ASMTL: variants seen among roughly 807,000 people sequenced by gnomAD.
The protein encoded by ASMTL is acetylserotonin O-methyltransferase like.
Under a neutral mutation model 60.3 loss-of-function variants are expected in ASMTL, and 57 were observed. That is an observed-to-expected ratio of 0.95 (90% confidence interval 0.76 to 1.18). The LOEUF (loss-of-function observed/expected upper bound fraction) is 1.18, where lower values mean the gene tolerates loss of function less well. Among genes scored for constraint, ASMTL ranks in the 50% most tolerant of loss-of-function variants. The pLI is 0.00. For missense variants in ASMTL, 981 were observed against 852.6 expected, an observed-to-expected ratio of 1.15 and a Z score of -1.88; for synonymous variants, 419 against 373.0, an observed-to-expected ratio of 1.12 and a Z score of -1.42.
chrX:1,428,071 TCCA>T lies in ASMTL; in HGVS notation c.557_559del (p.Val186del), dbSNP rs771402853. 1 of 1,612,742 alleles carries T rather than the reference TCCA, an allele frequency of 6.2e-7. No homozygotes were observed. Among genetic ancestry groups the T allele is most frequent in the South Asian group, 1.1e-5 (1 of 91,046 alleles). ...GTTCAGAAAGTCCCCGTGTACGGACTCCACCAGCATGCCGCCCAGGGCCTGGAT... is the reference window on the plus strand; with the variant it reads ...GTTCAGAAAGTCCCCGTGTACGGACTCCAGCATGCCGCCCAGGGCCTGGAT... On this transcript the variant is annotated inframe_deletion, in exon 7 of 13. Transcript: ENST00000381317.
intron 1 of ASMTL, among the ~76,000 whole-genome samples, chrX:1,447,978 C>A (rs1234918182): frequency 3.3e-5 from 5 of 151,112 alleles, no homozygotes; most frequent in Non-Finnish European, 5.9e-5. Flanking sequence ...CTTGGACACA[C>A]ACCGCCATCT....
At chrX:1,406,183 G>GTAGA (rs1158492711) in intron 12 of ASMTL, among the ~76,000 whole-genome samples, 1 of 144,630 alleles carries the variant, frequency 6.9e-6, no homozygotes, top group African/African-American at 2.7e-5. Flanking sequence ...TAGATGATGG[G>GTAGA]TAGATAGATG....
intron 3 of ASMTL, among the ~76,000 whole-genome samples, chrX:1,437,054 GTCC>G (rs2090985131): frequency 7.0e-6 from 1 of 143,452 alleles, no homozygotes; most frequent in South Asian, 2.2e-4. Context: ...CTGTATCTGT[GTCC>G]TCATCTCCTC....
In ASMTL at chrX:1,428,128, G is replaced by A. The variant is rs372002282; in HGVS notation, c.510-7C>T. 4.9e-4 allele frequency: 786 copies of A among 1,597,982 alleles called. 4 individuals carry two copies. The South Asian group carries it at 8.2e-3, about 17-fold the overall frequency. ...GTAGCCGCCAGCTTTGTCCCTGGGT[G>A]GGCAGGGGAAGGTAAGAGGTGACAA... On this transcript the variant is annotated splice_region_variant and splice_polypyrimidine_tract_variant and intron_variant, in intron 6 of 12. Transcript: ENST00000381317.
At chrX:1,413,605 C>T (rs1424142633) in intron 11 of ASMTL, 2 of 152,444 alleles carry the variant, frequency 1.3e-5, no homozygotes, top group Admixed American at 6.5e-5. Flanking sequence ...AATGGTGTCC[C>T]CTTAAAAGAT....
At chrX:1,434,660 C>T (rs1170162987) in intron 5 of ASMTL, among the ~76,000 whole-genome samples, 9 of 151,056 alleles carry the variant, frequency 6.0e-5, no homozygotes, top group East Asian at 3.9e-4. Context: ...AAAAATTAGC[C>T]GGGCATGGTG....
At chrX:1,451,552 C>T (rs1380161788) in intron 1 of ASMTL, among the ~76,000 whole-genome samples, 6 of 141,552 alleles carry the variant, frequency 4.2e-5, no homozygotes, top group African/African-American at 1.6e-4. Context: ...CCAGGTTACT[C>T]TCCCATCCCC....
intron 1 of ASMTL, among the ~76,000 whole-genome samples, chrX:1,450,954 TC>T (rs2091357770): frequency 2.1e-5 from 2 of 97,228 alleles, no homozygotes; most frequent in African/African-American, 3.9e-5. Flanking sequence ...CACTCTCCCC[TC>T]CCCCATCCCT....
chrX:1,439,613 G>A (rs769383752), intron 2 of ASMTL, among the ~76,000 whole-genome samples: 20 of 152,222 alleles, frequency 1.3e-4, no homozygotes, highest in African/African-American at 4.6e-4. Flanking sequence ...CTGGGAGGCC[G>A]AGGCGGGCGC....
intron 12 of ASMTL, among the ~76,000 whole-genome samples, chrX:1,406,706 C>T (rs1350792546): frequency 6.9e-6 from 1 of 145,338 alleles, no homozygotes; most frequent in Admixed American, 6.8e-5. Context: ...TAGATGGATG[C>T]ATGCATGAGA....
At chrX:1,448,885 T>C (rs1488671028) in intron 1 of ASMTL, among the ~76,000 whole-genome samples, 1 of 152,240 alleles carries the variant, frequency 6.6e-6, no homozygotes, top group African/African-American at 2.4e-5. Context: ...CACCGCCATC[T>C]TGGACAAGCA....
intron 6 of ASMTL, among the ~76,000 whole-genome samples, chrX:1,430,424 C>T (rs2090738783): frequency 6.6e-6 from 1 of 151,992 alleles, no homozygotes; most frequent in Non-Finnish European, 1.5e-5. Flanking sequence ...GATGTAAAAT[C>T]CTCTAGGTTA....
At chrX:1,431,283 A>G (rs2090776857) in intron 6 of ASMTL, among the ~76,000 whole-genome samples, 1 of 129,488 alleles carries the variant, frequency 7.7e-6, no homozygotes, top group South Asian at 2.3e-4. Context: ...ATATATAAAT[A>G]AAATTAAATA....
At chrX:1,441,233 A>C (rs1320375340) in intron 2 of ASMTL, among the ~76,000 whole-genome samples, 1 of 152,190 alleles carries the variant, frequency 6.6e-6, no homozygotes, top group Non-Finnish European at 1.5e-5. Flanking sequence ...TTAATTGTAT[A>C]TCATCAACGA....
At chrX:1,447,630 C>CCACCATCTTGGAGACA (rs2091256773) in intron 1 of ASMTL, among the ~76,000 whole-genome samples, 1 of 150,204 alleles carries the variant, frequency 6.7e-6, no homozygotes, top group African/African-American at 2.5e-5. Flanking sequence ...TGGATAAGCA[C>CCACCATCTTGGAGACA]CACCATCTTG....
chrX:1,406,386 A>G (rs1205446067), intron 12 of ASMTL, among the ~76,000 whole-genome samples: 3 of 149,384 alleles, frequency 2.0e-5, no homozygotes, highest in Non-Finnish European at 4.4e-5. Flanking sequence ...GATGATGGGT[A>G]GGTAGGTAGA....
chrX:1,425,624 C>G lies in ASMTL; in HGVS notation c.961G>C (p.Ala321Pro), dbSNP rs2090594624. 6.2e-7 allele frequency: 1 copy of G among 1,613,824 alleles called. No homozygotes were observed. Residue 321 changes from alanine to proline, a missense_variant, in exon 8 of 13, where the codon GCT becomes CCT. Transcript: ENST00000381317. ...TCCACTTTGCTGGCAATATCCGCAG[C>G]CTTCTGGGGTGCTTCATCTTTTAAC... ...DLLKDEAPQK[A>P]ADIASKVDAS...
At chrX:1,415,667 T>C (rs1343720232) in intron 11 of ASMTL, among the ~76,000 whole-genome samples, 5 of 152,076 alleles carry the variant, frequency 3.3e-5, no homozygotes, top group East Asian at 1.9e-4. Context: ...GGTTTCGCCA[T>C]GTTGGCCAGG....
chrX:1,411,914 C>T (rs1266232495), intron 12 of ASMTL, among the ~76,000 whole-genome samples: 22 of 140,144 alleles, frequency 1.6e-4, no homozygotes, highest in African/African-American at 5.4e-4. Context: ...CAGGTTCAAG[C>T]GATTCTCCTG....
Sources: allele counts gnomAD v4.1 joint callset (sites outside exome capture counted in the v4.1 genomes callset), GRCh38; gene constraint gnomAD v4.1.1; transcripts MANE v1.5; gene names NCBI Gene and HGNC (gene_info 2026-07-23, HGNC 2026-07-21).